Variants in RTN4 observed in about 807,000 individuals in gnomAD.
RTN4 encodes reticulon 4, also known as reticulon-4.
In RTN4, 32 loss-of-function variants were observed where a neutral mutation model predicts 90.4. The observed-to-expected ratio is 0.35, with a 90% CI of 0.27 to 0.48. The LOEUF (loss-of-function observed/expected upper bound fraction) is 0.48. Ranked by LOEUF, RTN4 falls within the 20% of genes least tolerant of loss-of-function variation. The pLI is 0.99. For missense variants in RTN4, 1,706 were observed against 1,430.2 expected (o/e 1.19, Z -3.11); for synonymous variants, 629 against 552.5 (o/e 1.14, Z -1.94).
intron 8 of RTN4, 103 bp from the exon 9 acceptor site, chr2:54,973,301 G>A (rs1677288179): frequency 6.4e-6 from 7 of 1,100,578 alleles, no homozygotes; most frequent in Non-Finnish European, 9.3e-6. Flanking sequence ...TACAATAAAT[G>A]AAATCCTTAA....
At chr2:55,055,798 A>G (rs188140534), upstream of RTN4, among the ~76,000 whole-genome samples, 187 of 151,890 alleles carry the variant, frequency 1.2e-3, no homozygotes, top group African/African-American at 4.3e-3. Flanking sequence ...AACAAAAACA[A>G]AAACCTACTG....
chr2:55,020,138 T>A (rs1273132973), intron 3 of RTN4, among the ~76,000 whole-genome samples: 1 of 152,146 alleles, frequency 6.6e-6, no homozygotes, highest in African/African-American at 2.4e-5. Context: ...TCCAAAGCAG[T>A]CTACAGATTC....
In RTN4 at chr2:55,027,308, G is replaced by A. The variant is rs1410148447; in HGVS notation, c.791C>T (p.Thr264Ile). The A allele has an allele frequency of 1.9e-6, 3 of 1,613,476 alleles. No individual in the cohort carries two copies. In the African/African-American group the frequency reaches 4.0e-5, roughly 22 times the overall value. Residue 264 changes from threonine to isoleucine, a missense_variant, in exon 3 of 9, where the codon ACA becomes ATA. Physicochemically the swap from Thr to Ile is moderately conservative, Grantham distance 89 (BLOSUM62 -1). Coordinates refer to ENST00000337526, the MANE Select transcript of RTN4 (RefSeq NM_020532.5). ...AGCTTCACTGACATTTTCTTGAAGT[G>A]TTCCTTCAGTGGGTAATACTGTTGA... Reference protein sequence around the residue: ...NLSTVLPTEGTLQENVSEASK... With the variant: ...NLSTVLPTEGILQENVSEASK...
intron 4 of RTN4, among the ~76,000 whole-genome samples, chr2:54,983,840 T>A (rs1417408692): frequency 2.0e-5 from 3 of 152,188 alleles, no homozygotes; most frequent in Non-Finnish European, 4.4e-5. Context: ...AAAAGGCATT[T>A]AACTTCTCTG....
In RTN4 at chr2:55,033,083, T is replaced by C. The variant is rs1573436581; in HGVS notation, c.557-4863A>G. ...AAAAAAAAGAAAAAATGGCCTAAAA[T>C]TGGACAGAAGTTGGCATTTTGAAAA... On this transcript the variant is annotated intron_variant, in intron 1 of 8. Transcript: ENST00000337526. Among the ~76,000 whole-genome samples the C allele has an allele frequency of 2.1e-5, 3 of 143,522 alleles. No homozygotes were observed. In the South Asian group the frequency reaches 6.5e-4, roughly 31 times the overall value. The allele number at this position is 143,522 out of a possible 152,430, so 94.2% of individuals were successfully genotyped here.
intron 3 of RTN4, among the ~76,000 whole-genome samples, chr2:55,003,153 G>T (rs1360975406): frequency 6.6e-6 from 1 of 152,212 alleles, no homozygotes; most frequent in African/African-American, 2.4e-5. Context: ...CAAATTACTA[G>T]TTCAAAACAC....
At chr2:55,125,698 G>A in the RTN4 span, among the ~76,000 whole-genome samples, 32 of 152,164 alleles carry the variant, frequency 2.1e-4, no homozygotes, top group African/African-American at 5.3e-4. Flanking sequence ...CTCAGGAGGC[G>A]GAGGTTGCAG....
In RTN4 at chr2:55,025,697, T is replaced by A. The variant is rs1681793081; in HGVS notation, c.2402A>T (p.Glu801Val). The A allele has an allele frequency of 6.2e-7, 1 of 1,613,844 alleles. No individual in the cohort carries two copies. Among genetic ancestry groups the A allele is most frequent in the Non-Finnish European group, 8.5e-7 (1 of 1,179,826 alleles). ...LPPEGGKPYL[E>V]SFKLSLDNTK... is the part of the protein sequence containing the mutation. ...GTTATCTAAACTGAGCTTAAAAGAT[T>A]CCAAATATGGCTTTCCTCCCTCAGG... Residue 801 changes from glutamate (E) to valine (V), a missense_variant, in exon 3 of 9, where the codon GAA (glutamate) becomes GTA (valine). Coordinates refer to ENST00000337526, the MANE Select transcript of RTN4 (RefSeq NM_020532.5).
chr2:54,987,347 T>G, intron 4 of RTN4, 144 bp downstream of exon 4: 1 of 655,910 alleles, frequency 1.5e-6, no homozygotes, highest in East Asian at 2.7e-5. Context: ...AAAGCAGATG[T>G]TTTTGGTATA....
intron 3 of RTN4, among the ~76,000 whole-genome samples, chr2:54,992,527 A>C (rs982576306): frequency 1.3e-5 from 2 of 152,224 alleles, no homozygotes; most frequent in African/African-American, 4.8e-5. Context: ...AAAAACCGAG[A>C]ACAGGGCTTT....
At chr2:55,104,154 G>A (rs530935432) in intron 1 of RTN4, among the ~76,000 whole-genome samples, 14 of 150,266 alleles carry the variant, frequency 9.3e-5, no homozygotes, top group African/African-American at 2.5e-4. Context: ...GGGTTCAAGC[G>A]ATTCTCCTGG....
At chr2:55,053,673 C>T (rs1249170943), upstream of RTN4, among the ~76,000 whole-genome samples, 10 of 143,110 alleles carry the variant, frequency 7.0e-5, no homozygotes, top group South Asian at 2.2e-4. Flanking sequence ...GTGAAAAGAG[C>T]GAAACTCCAT....
chr2:55,057,787 C>T (rs572515799), intron 2 of RTN4, among the ~76,000 whole-genome samples: 2 of 152,254 alleles, frequency 1.3e-5, no homozygotes, highest in South Asian at 4.1e-4. Flanking sequence ...AGTTTGAGAA[C>T]AGCCTGGGCA....
chr2:55,126,572 T>C, the RTN4 span, among the ~76,000 whole-genome samples: 3 of 152,164 alleles, frequency 2.0e-5, no homozygotes, highest in African/African-American at 7.2e-5. Flanking sequence ...TTATACGCTG[T>C]TGGTGGGATT....
At chr2:55,015,912 T>C (rs537091619) in intron 3 of RTN4, among the ~76,000 whole-genome samples, 8 of 152,200 alleles carry the variant, frequency 5.3e-5, no homozygotes, top group Non-Finnish European at 1.2e-4. Context: ...GATAAAAGGG[T>C]AAAAATTAGT....
chr2:54,985,796 G>GGAC, intron 4 of RTN4, among the ~76,000 whole-genome samples: 1 of 152,292 alleles, frequency 6.6e-6, no homozygotes, highest in East Asian at 1.9e-4. Flanking sequence ...GGATCATGTT[G>GGAC]TAGGTAGGTA....
chr2:55,113,073 C>T (rs1668066421), upstream of RTN4, among the ~76,000 whole-genome samples: 1 of 152,034 alleles, frequency 6.6e-6, no homozygotes, highest in African/African-American at 2.4e-5. Flanking sequence ...ATTCCAGGGC[C>T]CCAAAAACCA....
intron 1 of RTN4, among the ~76,000 whole-genome samples, chr2:55,085,267 T>C (rs1391198437): frequency 6.6e-6 from 1 of 151,936 alleles, no homozygotes; most frequent in African/African-American, 2.4e-5. Flanking sequence ...CCAAACACAG[T>C]GTGTAATAGG....
the RTN4 span, among the ~76,000 whole-genome samples, chr2:55,137,716 A>G: frequency 1.3e-5 from 2 of 151,892 alleles, no homozygotes; most frequent in African/African-American, 4.8e-5. Flanking sequence ...AGTCTCCCCC[A>G]TGGCGCTCTC....
Sources: allele counts gnomAD v4.1 joint callset (sites outside exome capture counted in the v4.1 genomes callset), GRCh38; gene constraint gnomAD v4.1.1; transcripts MANE v1.5; gene names NCBI Gene and HGNC (gene_info 2026-07-23, HGNC 2026-07-21).